ZNF500: variants seen among roughly 807,000 people sequenced by gnomAD.
ZNF500 encodes zinc finger protein 500.
In ZNF500, 31 loss-of-function variants were observed where a neutral mutation model predicts 30.1. The observed-to-expected ratio is 1.03, with a 90% CI of 0.77 to 1.39. ZNF500 has a LOEUF of 1.39. Among genes scored for constraint, ZNF500 ranks in the 40% most tolerant of loss-of-function variants. ZNF500 has a pLI of 0.00. For synonymous variants in ZNF500, 392 were observed against 282.0 expected (o/e 1.39, Z -3.91); for missense variants, 817 against 657.8 (o/e 1.24, Z -2.65).
At chr16:4,745,716 C>T (rs866440555), downstream of ZNF500, among the ~76,000 whole-genome samples, 2 of 152,074 alleles carry the variant, frequency 1.3e-5, no homozygotes, top group Admixed American at 6.6e-5. Flanking sequence ...TTTGGAAGGC[C>T]GAGGCAGGCA....
In ZNF500 at chr16:4,762,201, C is replaced by A. The variant is rs182988976; in HGVS notation, c.663+70G>T. ...GCCCCCAGGAGAGGTGTCCCCTTAA[C>A]AAGGAAGTGTGACACACAGGAGGTC... On this transcript the variant is annotated intron_variant, in intron 4 of 5. Coordinates refer to ENST00000219478, the MANE Select transcript of ZNF500 (RefSeq NM_021646.4). 12 of 1,545,286 alleles carry A rather than the reference C, an allele frequency of 7.8e-6. No individual in the cohort carries two copies. In the African/African-American group the frequency reaches 9.6e-5, roughly 12 times the overall value.
downstream of ZNF500, chr16:4,746,819 G>A: frequency 9.4e-7 from 1 of 1,065,744 alleles, no homozygotes; most frequent in Non-Finnish European, 1.3e-6. Context: ...TGTGGCTGCT[G>A]ACCTCTTGCA....
At chr16:4,760,834 G>A (rs2082190586) in intron 4 of ZNF500, among the ~76,000 whole-genome samples, 1 of 152,128 alleles carries the variant, frequency 6.6e-6, no homozygotes, top group African/African-American at 2.4e-5. Context: ...ACGAGGAGTG[G>A]TGGACCCACT....
In ZNF500 at chr16:4,765,814, G is replaced by C. The variant is rs752152878; in HGVS notation, c.165C>G (p.Leu55=). The C allele has an allele frequency of 1.2e-6, 2 of 1,613,504 alleles. No homozygotes were observed. Residue 55 remains leucine (L), a synonymous_variant, in exon 2 of 6, where the codon CTC becomes CTG. Coordinates refer to ENST00000219478, the MANE Select transcript of ZNF500 (RefSeq NM_021646.4). ...GCCCAGCCACCTCCTGGTAGCAGAAGAGCCGGAAGAGCTGGCGGAAAGTCT... is the reference window on the plus strand; with the variant it reads ...GCCCAGCCACCTCCTGGTAGCAGAACAGCCGGAAGAGCTGGCGGAAAGTCT... The part of the protein sequence containing the change: ...SPETFRQLFR[L]FCYQEVAGPR...
At position 4,762,673 on chromosome 16, in the gene ZNF500, C is replaced by T. The variant is rs780854590; in HGVS notation, c.498G>A (p.Glu166=). Residue 166 remains glutamate (E), a synonymous_variant, in exon 3 of 6, where the codon GAG becomes GAA. Transcript: ENST00000219478. Reference sequence around the variant, plus strand: ...GAGCCTCTTCCTCCAGGGACAGATCCTCTGGCTGAGCCTCTGCCTGGTGTT... The same window carrying T: ...GAGCCTCTTCCTCCAGGGACAGATCTTCTGGCTGAGCCTCTGCCTGGTGTT... ...FLKHQAEAQP[E]DLSLEEEARF... The T allele has an allele frequency of 1.2e-6, 2 of 1,614,160 alleles. No homozygotes were observed. Among genetic ancestry groups the T allele is most frequent in the East Asian group, 2.2e-5 (1 of 44,880 alleles).
At position 4,753,113 on chromosome 16, in the gene ZNF500, T is replaced by G. The variant is rs552490596; in HGVS notation, c.761-55A>C. On this transcript the variant is annotated intron_variant, in intron 5 of 5. Transcript: ENST00000219478. Reference sequence around the variant, plus strand: ...ACTCACAGCAAGAGGGCAAGGGAAATCCTTCTAATAGGAAAATGAAGGCCT... The same window carrying G: ...ACTCACAGCAAGAGGGCAAGGGAAAGCCTTCTAATAGGAAAATGAAGGCCT... The G allele has an allele frequency of 3.3e-6, 5 of 1,494,532 alleles. No individual in the cohort carries two copies. The East Asian group carries it at 6.9e-5, about 20-fold the overall frequency. 92.6% of individuals were successfully genotyped at this position (1,494,532 alleles called of 1,614,324 possible).
At chr16:4,760,387 A>G in intron 5 of ZNF500, 105 bp downstream of exon 5, 1 of 1,057,322 alleles carries the variant, frequency 9.5e-7, no homozygotes, top group Non-Finnish European at 1.4e-6. Flanking sequence ...TCCACGGAGG[A>G]TCGCCCCAGG....
At position 4,762,902 on chromosome 16, in the gene ZNF500, G is replaced by A. The variant is rs139499441; in HGVS notation, c.415-146C>T. On this transcript the variant is annotated intron_variant, in intron 2 of 5. Transcript: ENST00000219478. The stretch of plus-strand genomic sequence containing the variant: ...AGCCTCCCTCCCTCTGCCCAGCCGT[G>A]TGGCAGTGTTCCCTGCAGCCAGCTC... 2.0e-4 allele frequency: 289 copies of A among 1,411,526 alleles called. 1 individual carries two copies. The African/African-American group carries it at 4.0e-3, about 19-fold the overall frequency. The allele number at this position is 1,411,526 out of a possible 1,614,324, so 87.4% of individuals were successfully genotyped here. A position where few individuals can be genotyped will look rare whatever the true frequency, so the allele number is the denominator to read the frequency against.
downstream of ZNF500, among the ~76,000 whole-genome samples, chr16:4,745,871 T>C (rs1346908089): frequency 6.6e-6 from 1 of 151,414 alleles, no homozygotes; most frequent in Non-Finnish European, 1.5e-5. Context: ...GAGAAATCTC[T>C]TGAACCCAGG....
rs1384900632 is a variant in ZNF500, at chr16:4,751,219, C to G, written c.*1157G>C. 1.0e-5 allele frequency: 2 copies of G among 192,664 alleles called. No homozygotes were observed. Among genetic ancestry groups the G allele is most frequent in the Non-Finnish European group, 2.1e-5 (2 of 94,716 alleles). 11.9% of individuals were successfully genotyped at this position (192,664 alleles called of 1,614,324 possible). On this transcript the variant is annotated 3_prime_UTR_variant, in exon 6 of 6. Coordinates refer to ENST00000219478, the MANE Select transcript of ZNF500 (RefSeq NM_021646.4). ...TATCACACTGCTTGTCTTGGCCACT[C>G]ACCCACCGTGGATGTGCACAGACCA...
chr16:4,746,686 A>G, downstream of ZNF500: 1 of 963,608 alleles, frequency 1.0e-6, no homozygotes, highest in Non-Finnish European at 1.5e-6. Context: ...GCAGGGAGGG[A>G]AGAGGGGCAT....
downstream of ZNF500, chr16:4,746,616 CA>C (rs1278272087): frequency 2.9e-6 from 4 of 1,391,878 alleles, no homozygotes; most frequent in African/African-American, 5.8e-5. Context: ...ACAGGGACTT[CA>C]AAAGGCTTGG....
At chr16:4,757,127 C>T (rs536469385) in intron 5 of ZNF500, among the ~76,000 whole-genome samples, 4 of 152,268 alleles carry the variant, frequency 2.6e-5, no homozygotes, top group Admixed American at 6.5e-5. Context: ...AGATACGAAA[C>T]GCCACTGAAC....
At position 4,751,317 on chromosome 16, in the gene ZNF500, G is replaced by A. The variant is rs2082075086; in HGVS notation, c.*1059C>T. 1.1e-5 allele frequency: 5 copies of A among 457,650 alleles called. No homozygotes were observed. The highest frequency in any genetic ancestry group is 2.0e-5 in the Non-Finnish European group (5 of 254,680). 28.3% of individuals were successfully genotyped at this position (457,650 alleles called of 1,614,324 possible). A position where few individuals can be genotyped will look rare whatever the true frequency, so the allele number is the denominator to read the frequency against. On this transcript the variant is annotated 3_prime_UTR_variant, in exon 6 of 6. Transcript: ENST00000219478. ...TTCTTACCTTAGAAAGACAAAGTGG[G>A]GCAACCGTGGAAGGCCACATTCCAG...
intron 2 of ZNF500, chr16:4,763,786 G>A (rs367989307): frequency 5.1e-6 from 5 of 985,308 alleles, no homozygotes; most frequent in Middle Eastern, 5.2e-4. Context: ...AAGAAACCCC[G>A]ATTTCTTGGC....
Position 4,765,705 on chromosome 16 carries a change from G to C in ZNF500, c.274C>G (p.Leu92Val), listed in dbSNP as rs372903642. The C allele has an allele frequency of 1.2e-5, 20 of 1,613,252 alleles. No homozygotes were observed. The highest frequency in any genetic ancestry group is 1.6e-5 in the Non-Finnish European group (19 of 1,179,968). ...ELRTKEQILELLVLEQFLTVL... is the reference protein window; with the variant it reads ...ELRTKEQILEVLVLEQFLTVL... ...GTCAGGAACTGCTCCAGCACCAGCAGCTCCAGGATCTGCTCCTTGGTGCGC... is the reference window on the plus strand; with the variant it reads ...GTCAGGAACTGCTCCAGCACCAGCACCTCCAGGATCTGCTCCTTGGTGCGC... The change falls in exon 2 of 6, where the codon CTG becomes GTG. Residue 92 changes from leucine (L) to valine (V), a missense_variant. By Grantham distance (32) the Leu-to-Val change is conservative. Coordinates refer to ENST00000219478, the MANE Select transcript of ZNF500 (RefSeq NM_021646.4).
In ZNF500 at chr16:4,752,141, G is replaced by C; in HGVS notation, c.*235C>G. On this transcript the variant is annotated 3_prime_UTR_variant, in exon 6 of 6. Transcript: ENST00000219478. Reference sequence around the variant, plus strand: ...TCTCTGTGGCTGAAGCCCCTGCTCTGTGTCACCTGTTCTGGCTGCCACTGG... The same window carrying C: ...TCTCTGTGGCTGAAGCCCCTGCTCTCTGTCACCTGTTCTGGCTGCCACTGG... 7.3e-7 allele frequency: 1 copy of C among 1,370,726 alleles called. No homozygotes were observed. Among genetic ancestry groups the C allele is most frequent in the South Asian group, 2.0e-5 (1 of 50,278 alleles). 84.9% of individuals were successfully genotyped at this position (1,370,726 alleles called of 1,614,324 possible).
Position 4,753,016 on chromosome 16 carries a change from T to A in ZNF500, c.803A>T (p.Asp268Val). The A allele has an allele frequency of 3.2e-6, 5 of 1,555,988 alleles. No individual in the cohort carries two copies. The highest frequency in any genetic ancestry group is 1.2e-5 in the South Asian group (1 of 84,478). The part of the protein sequence containing the change: ...QLEDGGDGRE[D>V]APLRMEWYRV... ...GTACCACTCCATTCTCAACGGGGCA[T>A]CCTCCCTGCCATCACCGCCGTCCTC... Residue 268 changes from aspartate to valine, a missense_variant, in exon 6 of 6, where the codon GAT becomes GTT. Asp to Val is a radical substitution (Grantham distance 152). Coordinates refer to ENST00000219478, the MANE Select transcript of ZNF500 (RefSeq NM_021646.4).
chr16:4,761,009 A>G (rs1257642268), intron 4 of ZNF500, among the ~76,000 whole-genome samples: 2 of 152,192 alleles, frequency 1.3e-5, no homozygotes, highest in East Asian at 3.8e-4. Flanking sequence ...AAGCATGATT[A>G]AAAAAACAAG....
Sources: gnomAD v4.1 joint callset for allele counts (sites outside exome capture counted in the v4.1 genomes callset) on GRCh38, gnomAD v4.1.1 for gene constraint, MANE v1.5 for transcripts, NCBI Gene and HGNC (gene_info 2026-07-23, HGNC 2026-07-21) for gene names.